Variants in HELZ observed in about 807,000 individuals in gnomAD.
HELZ encodes helicase with zinc finger.
Under a neutral mutation model 218.2 loss-of-function variants are expected in HELZ, and 23 were observed. That is an observed-to-expected ratio of 0.11 (90% CI 0.08 to 0.15). The LOEUF is 0.15. Among genes scored for constraint, HELZ ranks in the 10% least tolerant of loss-of-function variants. The probability of loss-of-function intolerance (pLI) is 1.00; values close to 1 mark genes in which losing one functional copy is unlikely to be tolerated. For synonymous variants in HELZ, 814 were observed against 829.4 expected (o/e 0.98, Z 0.32); for missense variants, 1,813 against 2,353.7 (o/e 0.77, Z 4.75).
chr17:67,102,407 T>C (rs1336111930), intron 31 of HELZ, among the ~76,000 whole-genome samples: 1 of 152,184 alleles, frequency 6.6e-6, no homozygotes, highest in Admixed American at 6.5e-5. Context: ...TGTATTTCAT[T>C]TGTCACAAGA....
chr17:67,220,857 C>T lies in HELZ; in HGVS notation c.-18-2035G>A, dbSNP rs1037636379. Among the ~76,000 whole-genome samples, 3 of 146,370 alleles carry T rather than the reference C, an allele frequency of 2.0e-5. No individual in the cohort carries two copies. In the South Asian group the frequency reaches 6.9e-4, roughly 34 times the overall value. On this transcript the variant is annotated intron_variant, in intron 3 of 32. Coordinates refer to ENST00000358691, the MANE Select transcript of HELZ (RefSeq NM_014877.4). The stretch of plus-strand genomic sequence containing the variant: ...TGTGTTATTAAGATAACTCCCCCCC[C>T]CCCAAAAAAAAAGAGTACTGTATTC...
intron 30 of HELZ, 111 bp from the exon 31 acceptor site, chr17:67,107,796 C>T: frequency 2.2e-6 from 2 of 890,412 alleles, no homozygotes; most frequent in Non-Finnish European, 3.4e-6. Flanking sequence ...GTACTAATAA[C>T]TAGAACTGGC....
At chr17:67,240,495 T>TATTA (rs2041290427) in intron 2 of HELZ, among the ~76,000 whole-genome samples, 2 of 152,232 alleles carry the variant, frequency 1.3e-5, no homozygotes, top group African/African-American at 4.8e-5. Context: ...TTTTTAAAAC[T>TATTA]GTATTAGTTA....
At position 67,128,953 on chromosome 17, in the gene HELZ, C is replaced by T; in HGVS notation, c.3183-98G>A. ...AGATAATCTCAAATTCCACCCCCAA[C>T]CTCAAATCCTTAAACCCAATAGTCA... On this transcript the variant is annotated intron_variant, in intron 23 of 32. Transcript: ENST00000358691. 4.4e-6 allele frequency: 4 copies of T among 901,260 alleles called. No homozygotes were observed. The Admixed American group carries it at 6.1e-5, about 14-fold the overall frequency. The allele number at this position is 901,260 out of a possible 1,614,324, so 55.8% of individuals were successfully genotyped here.
chr17:67,084,749 CAA>C (rs1271698237), intron 32 of HELZ, among the ~76,000 whole-genome samples: 1 of 151,576 alleles, frequency 6.6e-6, no homozygotes, highest in Non-Finnish European at 1.5e-5. Context: ...AAAAAAGTAA[CAA>C]ATTATTATCA....
chr17:67,194,207 A>G (rs931006371), intron 8 of HELZ, among the ~76,000 whole-genome samples, 165 bp from the exon 9 acceptor site: 9 of 152,200 alleles, frequency 5.9e-5, no homozygotes, highest in African/African-American at 2.2e-4. Flanking sequence ...CCAATCAACT[A>G]CATAAAACAT....
intron 13 of HELZ, among the ~76,000 whole-genome samples, chr17:67,174,566 A>C (rs2039401802): frequency 6.6e-6 from 1 of 152,200 alleles, no homozygotes; most frequent in African/African-American, 2.4e-5. Context: ...TGGTAGGCCG[A>C]GGCGGGCAGA....
rs368518304 is a variant in HELZ at position 67,238,764 on chromosome 17, T to C, written c.-19+669A>G. Among the ~76,000 whole-genome samples, 43 of 152,356 alleles carry C rather than the reference T, an allele frequency of 2.8e-4. No individual in the cohort carries two copies. In the South Asian group the frequency reaches 8.7e-3, roughly 31 times the overall value. ...GCCTTCTAATTTATTTCTGTAGTAT[T>C]ACCATTTTCTAAGTGTAATAATGAA... On this transcript the variant is annotated intron_variant, in intron 3 of 32. Coordinates refer to ENST00000358691, the MANE Select transcript of HELZ (RefSeq NM_014877.4).
Position 67,072,713 on chromosome 17 carries a change from C to A in HELZ, c.*5539G>T, listed in dbSNP as rs1204482655. ...CAAAGGGCCTGTCGCTCCATGGAGA[C>A]CTTTCTCCACAAATGTTCCAGTCAT... On this transcript the variant is annotated 3_prime_UTR_variant, in exon 33 of 33. Transcript: ENST00000358691. 1 of 152,256 alleles carries A rather than the reference C, an allele frequency of 6.6e-6. No homozygotes were observed. The highest frequency in any genetic ancestry group is 6.5e-5 in the Admixed American group (1 of 15,278). The allele number at this position is 152,256 out of a possible 1,614,324, so 9.4% of individuals were successfully genotyped here.
At chr17:67,238,349 CAAAAAA>C (rs71368808) in intron 3 of HELZ, among the ~76,000 whole-genome samples, 1 of 46,964 alleles carries the variant, frequency 2.1e-5, no homozygotes. Flanking sequence ...CTCTGTCTCT[CAAAAAA>C]AAAAAAAAAA....
At chr17:67,136,338 A>G (rs539981664) in intron 22 of HELZ, 140 bp from the exon 23 acceptor site, 2 of 633,518 alleles carry the variant, frequency 3.2e-6, no homozygotes, top group South Asian at 4.0e-5. Flanking sequence ...ACCCTTATGC[A>G]CTGCTGGTGA....
intron 3 of HELZ, among the ~76,000 whole-genome samples, chr17:67,223,878 G>A (rs998746290): frequency 2.0e-5 from 3 of 152,216 alleles, no homozygotes; most frequent in Non-Finnish European, 4.4e-5. Context: ...GCTGAAATCA[G>A]AAACCAGGAC....
rs116911454 is a variant in HELZ at position 67,241,953 on chromosome 17, T to C, written c.-76+1831A>G. On this transcript the variant is annotated intron_variant, in intron 2 of 32. Coordinates refer to ENST00000358691, the MANE Select transcript of HELZ (RefSeq NM_014877.4). The stretch of plus-strand genomic sequence containing the variant: ...ATGAATACTAACACTTCACAGAGTC[T>C]ACATGTGTGAGAACTGTGGAAAATG... Among the ~76,000 whole-genome samples, 1,458 of 152,358 alleles carry C rather than the reference T, an allele frequency of 9.6e-3. 13 individuals carry two copies. The highest frequency in any genetic ancestry group is 0.016 in the South Asian group (76 of 4,834).
chr17:67,193,613 G>A (rs1243551812), intron 9 of HELZ, among the ~76,000 whole-genome samples: 1 of 152,168 alleles, frequency 6.6e-6, no homozygotes, highest in Non-Finnish European at 1.5e-5. Flanking sequence ...ATACTCAGGA[G>A]GCTGAGGCAG....
chr17:67,203,884 T>C (rs2040232003), intron 5 of HELZ, among the ~76,000 whole-genome samples: 1 of 152,248 alleles, frequency 6.6e-6, no homozygotes, highest in African/African-American at 2.4e-5. Flanking sequence ...AATTAGTCTT[T>C]ATCAAATCCA....
intron 12 of HELZ, among the ~76,000 whole-genome samples, chr17:67,180,561 T>C (rs2039577877): frequency 6.6e-6 from 1 of 152,016 alleles, no homozygotes; most frequent in Admixed American, 6.6e-5. Context: ...ATAGCCAACA[T>C]GGAGAAATCC....
At chr17:67,191,073 T>TAGG (rs201497450) in intron 9 of HELZ, among the ~76,000 whole-genome samples, 7,686 of 152,204 alleles carry the variant, frequency 0.05, 657 homozygotes, top group African/African-American at 0.18. Flanking sequence ...AGGTATACCC[T>TAGG]ACTTCCCAAA....
intron 25 of HELZ, 124 bp from the exon 26 acceptor site, chr17:67,123,284 G>A: frequency 7.6e-6 from 4 of 526,596 alleles, no homozygotes; most frequent in Admixed American, 7.8e-5. Flanking sequence ...TATCATCAAA[G>A]AATTATCAGT....
At chr17:67,125,769 G>A (rs1364994626) in intron 24 of HELZ, among the ~76,000 whole-genome samples, 1 of 152,112 alleles carries the variant, frequency 6.6e-6, no homozygotes, top group Non-Finnish European at 1.5e-5. Context: ...TTTAAAACAG[G>A]GAGATTATCC....
Sources: gnomAD v4.1 joint callset for allele counts (sites outside exome capture counted in the v4.1 genomes callset) on GRCh38, gnomAD v4.1.1 for gene constraint, MANE v1.5 for transcripts, NCBI Gene and HGNC (gene_info 2026-07-23, HGNC 2026-07-21) for gene names.